The following ZNF48 variants were observed in gnomAD, a reference collection of about 807,000 sequenced individuals.
ZNF48 encodes the protein zinc finger protein 553.
A neutral mutation model predicts 40.0 loss-of-function variants in ZNF48; 20 were observed. The ratio of observed to expected loss-of-function variants is 0.50; its 90% CI spans 0.35 to 0.73. The LOEUF is 0.73. ZNF48 is among the 30% of genes least tolerant of loss of function. The probability of loss-of-function intolerance (pLI) is 0.01; values close to 1 mark genes in which losing one functional copy is unlikely to be tolerated. For missense variants in ZNF48, 726 were observed against 851.9 expected (o/e 0.85, Z 1.84); for synonymous variants, 298 against 329.7 (o/e 0.90, Z 1.04).
chr16:30,379,419 G>C, intron 1 of ZNF48: 4 of 1,607,976 alleles, frequency 2.5e-6, no homozygotes, highest in Non-Finnish European at 3.4e-6. Flanking sequence ...TAGGACCCCT[G>C]CCTGGCCTCA....
intron 1 of ZNF48, chr16:30,379,510 C>T (rs2151110153): frequency 1.2e-6 from 2 of 1,613,926 alleles, no homozygotes; most frequent in Non-Finnish European, 1.7e-6. Context: ...TCGCATGATC[C>T]CACGACTGCA....
intron 1 of ZNF48, among the ~76,000 whole-genome samples, chr16:30,389,217 C>A (rs1355970809): frequency 1.3e-5 from 2 of 151,754 alleles, no homozygotes; most frequent in Non-Finnish European, 2.9e-5. Flanking sequence ...CACGGTGAAA[C>A]CCCTCTCTAC....
Position 30,397,433 on chromosome 16 carries a change from A to C in ZNF48, c.183A>C (p.Glu61Asp). 26 of 1,614,118 alleles carry C rather than the reference A, an allele frequency of 1.6e-5. No individual in the cohort carries two copies. Among genetic ancestry groups the C allele is most frequent in the Non-Finnish European group, 2.2e-5 (26 of 1,180,022 alleles). ...FKEEDLAPDH[E>D]VGNASLKPEG... ...AAGAAGATTTGGCTCCAGATCATGA[A>C]GTAGGAAATGCCTCTCTCAAACCTG... The change falls in exon 3 of 3, where the codon GAA (glutamate) becomes GAC (aspartate). Residue 61 changes from glutamate (E) to aspartate (D), a missense_variant. Glu to Asp is a conservative substitution (Grantham distance 45). This residue lies in a region of ZNF48 where 151 missense variants were observed against 162.3 expected (regional missense o/e 0.93). Transcript: ENST00000613509. This position sits in a 1 kb window ranked among gnomAD's most constrained non-coding sequence, Gnocchi z 4.1.
rs139114623 is a variant in ZNF48 at position 30,397,601 on chromosome 16, T to C, written c.351T>C (p.Cys117=). ...ATCGGGCCGCTGTGTGTGGTGAGTG[T>C]GGCAAAAGCTTCAGGCAGATGTCAG... ...SSDRAAVCGE[C]GKSFRQMSDL... The change falls in exon 3 of 3, where the codon TGT becomes TGC. Residue 117 remains cysteine, a synonymous_variant. Coordinates refer to ENST00000613509, the MANE Select transcript of ZNF48 (RefSeq NM_001214909.2). The surrounding 1 kb of genome is among the most constrained non-coding windows in gnomAD (Gnocchi z 4.1). 1.4e-3 allele frequency: 2,200 copies of C among 1,614,088 alleles called. 30 individuals are homozygous for C. In the African/African-American group the frequency reaches 0.027, roughly 20 times the overall value.
chr16:30,397,824 A>T lies in ZNF48; in HGVS notation c.574A>T (p.Thr192Ser), dbSNP rs748120045. 3 of 1,610,530 alleles carry T rather than the reference A, an allele frequency of 1.9e-6. No homozygotes were observed. Among genetic ancestry groups the T allele is most frequent in the Non-Finnish European group, 1.7e-6 (2 of 1,179,090 alleles). Residue 192 changes from threonine (T) to serine (S), a missense_variant, in exon 3 of 3, where the codon ACT becomes TCT. Physicochemically the swap from Thr to Ser is moderately conservative, Grantham distance 58. Around this residue, in one of 5 missense-constraint regions of ZNF48, gnomAD observed 378 missense variants for 449.1 expected, o/e 0.84. Transcript: ENST00000613509. This position sits in a 1 kb window ranked among gnomAD's most constrained non-coding sequence, Gnocchi z 4.1. ...CCGGATCCCTGCTGGTGAGCGCCCC[A>T]CTATCTGTGGTGAATGTGGCAAGAG... ...RSRIPAGERP[T>S]ICGECGKSFR...
intron 1 of ZNF48, among the ~76,000 whole-genome samples, chr16:30,383,987 C>A (rs907325360): frequency 6.6e-6 from 1 of 152,064 alleles, no homozygotes; most frequent in Non-Finnish European, 1.5e-5. Flanking sequence ...GAGGCCGAGG[C>A]GGGTGGATCA....
rs561352451 is a variant in ZNF48, at chr16:30,398,243, C to T, written c.993C>T (p.Tyr331=). 1.7e-5 allele frequency: 28 copies of T among 1,613,684 alleles called. No individual in the cohort carries two copies. Among genetic ancestry groups the T allele is most frequent in the African/African-American group, 9.3e-5 (7 of 75,068 alleles). Reference sequence around the variant, plus strand: ...GGGTGCACACGGGTGAGAAGCCCTACCTCTGCCCAGAGTGCGGCAAAGGTT... The same window carrying T: ...GGGTGCACACGGGTGAGAAGCCCTATCTCTGCCCAGAGTGCGGCAAAGGTT... ...HLRVHTGEKP[Y]LCPECGKGFA... The change falls in exon 3 of 3, where the codon TAC becomes TAT. Residue 331 remains tyrosine (Y), a synonymous_variant. Transcript: ENST00000613509. The surrounding 1 kb of genome is among the most constrained non-coding windows in gnomAD (Gnocchi z 6.6).
At chr16:30,384,810 G>A (rs1567428284) in intron 1 of ZNF48, among the ~76,000 whole-genome samples, 1 of 151,484 alleles carries the variant, frequency 6.6e-6, no homozygotes, top group Non-Finnish European at 1.5e-5. Flanking sequence ...CCTGAGAGGC[G>A]TAGGTTGCAG....
chr16:30,385,214 ATAATAAT>A (rs2049892115), intron 1 of ZNF48, among the ~76,000 whole-genome samples: 2 of 138,304 alleles, frequency 1.4e-5, no homozygotes, highest in Admixed American at 7.2e-5. Context: ...AATAATAATA[ATAATAAT>A]ATAAATAAAT....
chr16:30,382,051 G>A lies in ZNF48; in HGVS notation c.-16+3641G>A, dbSNP rs1567426168. 4.4e-6 allele frequency: 7 copies of A among 1,585,106 alleles called. No homozygotes were observed. Among genetic ancestry groups the A allele is most frequent in the Non-Finnish European group, 6.0e-6 (7 of 1,163,686 alleles). ...ATGGAAAAGACTAGGGTGTAACCTG[G>A]GGACAGGGGCTACTGCCTCAAGAGG... On this transcript the variant is annotated intron_variant, in intron 1 of 2. Transcript: ENST00000528032. The surrounding 1 kb of genome is among the most constrained non-coding windows in gnomAD (Gnocchi z 4.8).
At chr16:30,388,807 T>C (rs9989385) in intron 1 of ZNF48, among the ~76,000 whole-genome samples, 94,400 of 151,878 alleles carry the variant, frequency 0.62, 30,412 homozygotes, top group East Asian at 0.92. Context: ...GGCAGGAGAA[T>C]TGCTTGAACT....
At position 30,398,185 on chromosome 16, in the gene ZNF48, T is replaced by C. The variant is rs749010570; in HGVS notation, c.935T>C (p.Phe312Ser). 2 of 1,614,014 alleles carry C rather than the reference T, an allele frequency of 1.2e-6. No homozygotes were observed. The highest frequency in any genetic ancestry group is 1.7e-6 in the Non-Finnish European group (2 of 1,180,020). The change falls in exon 3 of 3, where the codon TTT becomes TCT. Residue 312 changes from phenylalanine to serine, a missense_variant. Physicochemically the swap from Phe to Ser is radical, Grantham distance 155 (BLOSUM62 -2). Transcript: ENST00000613509. The surrounding 1 kb of genome is among the most constrained non-coding windows in gnomAD (Gnocchi z 6.6). The stretch of plus-strand genomic sequence containing the variant: ...GGCTGTGATGTGTGTGGAAAGGAGT[T>C]TGCCCGGGGATCCGACCTGGTGAAG... ...PFGCDVCGKE[F>S]ARGSDLVKHL...
At position 30,395,663 on chromosome 16, in the gene ZNF48, C is replaced by G. The variant is rs1349734934; in HGVS notation, c.-16+85C>G. ...GGCAGGGGGCACCGGGAGCCGCGCC[C>G]GTACCTGGGACCCGACGCCGCCCGG... On this transcript the variant is annotated intron_variant, in intron 1 of 2. Coordinates refer to ENST00000613509, the MANE Select transcript of ZNF48 (RefSeq NM_001214909.2). This position sits in a 1 kb window ranked among gnomAD's most constrained non-coding sequence, Gnocchi z 5.9. 8.6e-6 allele frequency: 7 copies of G among 815,670 alleles called. No homozygotes were observed. Among genetic ancestry groups the G allele is most frequent in the South Asian group, 1.2e-4 (2 of 16,864 alleles). The allele number at this position is 815,670 out of a possible 1,614,324, so 50.5% of individuals were successfully genotyped here. A position where few individuals can be genotyped will look rare whatever the true frequency, so the allele number is the denominator to read the frequency against.
chr16:30,378,343 T>G (rs867384239), exon 1 of ZNF48: 1 of 1,261,624 alleles, frequency 7.9e-7, no homozygotes, highest in East Asian at 2.6e-5. Context: ...CCCGCGGAGG[T>G]CCCGGGGGGC....
Position 30,398,310 on chromosome 16 carries a change from A to G in ZNF48, c.1060A>G (p.Ser354Gly), listed in dbSNP as rs1217605069. The change falls in exon 3 of 3, where the codon AGT (serine) becomes GGT (glycine). Residue 354 changes from serine (S) to glycine (G), a missense_variant. Physicochemically the swap from Ser to Gly is moderately conservative, Grantham distance 56. This residue lies in a region of ZNF48 where 378 missense variants were observed against 449.1 expected (regional missense o/e 0.84). Transcript: ENST00000613509. This position sits in a 1 kb window ranked among gnomAD's most constrained non-coding sequence, Gnocchi z 6.6. ...SARVKHLRTH[S>G]GERPHACPEC... ...CCGAGTCAAACACCTCCGCACCCAC[A>G]GTGGCGAGAGGCCCCATGCCTGCCC... The G allele has an allele frequency of 1.9e-6, 3 of 1,602,750 alleles. No individual in the cohort carries two copies. Among genetic ancestry groups the G allele is most frequent in the Non-Finnish European group, 1.7e-6 (2 of 1,175,392 alleles).
upstream of ZNF48, among the ~76,000 whole-genome samples, chr16:30,391,988 C>T (rs957554665): frequency 6.6e-6 from 1 of 152,086 alleles, no homozygotes; most frequent in Non-Finnish European, 1.5e-5. Flanking sequence ...CAGGTGTGCA[C>T]CACCACTCCC....
chr16:30,379,255 C>G, intron 1 of ZNF48: 1 of 1,578,664 alleles, frequency 6.3e-7, no homozygotes, highest in East Asian at 2.2e-5. Context: ...AGGGTCGGGT[C>G]TACAGGAAAG....
In ZNF48 at chr16:30,395,910, A is replaced by G; in HGVS notation, c.79+37A>G. 1 of 1,484,764 alleles carries G rather than the reference A, an allele frequency of 6.7e-7. No individual in the cohort carries two copies. The highest frequency in any genetic ancestry group is 9.0e-7 in the Non-Finnish European group (1 of 1,114,124). The allele number at this position is 1,484,764 out of a possible 1,614,324, so 92.0% of individuals were successfully genotyped here. On this transcript the variant is annotated intron_variant, in intron 2 of 2. Transcript: ENST00000613509. This position sits in a 1 kb window ranked among gnomAD's most constrained non-coding sequence, Gnocchi z 5.9. ...GGCCGTGCGCCGCCACGGACAGGTA[A>G]CGGCCGGTGGGGACTGCGATGCTTG...
At chr16:30,393,395 A>AT (rs2151116350), upstream of ZNF48, among the ~76,000 whole-genome samples, 1 of 148,246 alleles carries the variant, frequency 6.7e-6, no homozygotes, top group East Asian at 2.0e-4. Context: ...TTATTTATTT[A>AT]TTTTTTTGAG....
Sources: gnomAD v4.1 joint callset for allele counts (sites outside exome capture counted in the v4.1 genomes callset) on GRCh38, gnomAD v4.1.1 for gene constraint, gnomAD v4.1.1 regional missense constraint, Gnocchi (gnomAD v3.1) non-coding constraint, MANE v1.5 for transcripts, NCBI Gene and HGNC (gene_info 2026-07-23, HGNC 2026-07-21) for gene names.